The following ALMS1 variants were observed in gnomAD, a reference collection of about 807,000 sequenced individuals.
ALMS1 encodes the protein ALMS1 centrosome and basal body associated protein.
Under a neutral mutation model 352.2 loss-of-function variants are expected in ALMS1, and 271 were observed. The ratio of observed to expected loss-of-function variants is 0.77; its 90% confidence interval spans 0.70 to 0.85. ALMS1 has a LOEUF of 0.85. Among genes scored for constraint, ALMS1 ranks in the 40% least tolerant of loss-of-function variants. The pLI is 0.00. For synonymous variants in ALMS1, 1,865 were observed against 1,761.2 expected (o/e 1.06, Z -1.48); for missense variants, 5,445 against 4,870.7 (o/e 1.12, Z -3.51).
Position 73,455,260 on chromosome 2 carries a change from T to C in ALMS1, c.7639T>C (p.Leu2547=), listed in dbSNP as rs200155429. 6.2e-7 allele frequency: 1 copy of C among 1,613,998 alleles called. No individual in the cohort carries two copies. The highest frequency in any genetic ancestry group is 1.1e-5 in the South Asian group (1 of 91,074). ...GAAAGTAGAAGAGATCAAGGCAGAG[T>C]TATTTGGTCATGGAAGAACAACTGA... ...RRKVEEIKAE[L]FGHGRTTDLS... The change falls in exon 9 of 23, where the codon TTA becomes CTA. Residue 2547 remains leucine, a synonymous_variant. Transcript: ENST00000613296.
At chr2:73,487,521 A>G (rs1091568) in intron 9 of ALMS1, among the ~76,000 whole-genome samples, 132,542 of 152,154 alleles carry the variant, frequency 0.87, 57,810 homozygotes, top group Admixed American at 0.92. Context: ...GTCCTGGCTC[A>G]GGGACCCCCT....
chr2:73,578,350 T>C (rs941399317), intron 16 of ALMS1, among the ~76,000 whole-genome samples: 7 of 152,184 alleles, frequency 4.6e-5, no homozygotes, highest in Admixed American at 3.3e-4. Flanking sequence ...TGCCTTTTAA[T>C]TGGCGAGTAT....
chr2:73,446,654 T>C (rs539352331), intron 7 of ALMS1, among the ~76,000 whole-genome samples: 50 of 152,270 alleles, frequency 3.3e-4, no homozygotes, highest in African/African-American at 1.1e-3. Flanking sequence ...TCAGTTGTAG[T>C]GGAAAGAGCT....
intron 11 of ALMS1, among the ~76,000 whole-genome samples, chr2:73,525,189 G>A (rs1257295266): frequency 5.3e-5 from 8 of 152,086 alleles, no homozygotes; most frequent in African/African-American, 1.7e-4. Context: ...TGGACACTTA[G>A]GTTGCTTCTA....
chr2:73,557,171 G>C (rs545816955), intron 13 of ALMS1, 49 bp from the exon 14 acceptor site: 2 of 1,612,210 alleles, frequency 1.2e-6, no homozygotes, highest in South Asian at 1.1e-5. Context: ...CTTGTCTGTT[G>C]TGTTTATTAT....
Position 73,490,774 on chromosome 2 carries a change from G to T in ALMS1, c.8815G>T (p.Asp2939Tyr), listed in dbSNP as rs1297107037. 2 of 1,614,026 alleles carry T rather than the reference G, an allele frequency of 1.2e-6. No individual in the cohort carries two copies. Residue 2939 changes from aspartate to tyrosine, a missense_variant, in exon 10 of 23, where the codon GAT (aspartate) becomes TAT (tyrosine). Physicochemically the swap from Asp to Tyr is radical, Grantham distance 160 (BLOSUM62 -3). Transcript: ENST00000613296. ...LFEQCKAPYV[D>Y]HQMRENHSPL... ...TGAACAGTGCAAAGCCCCATATGTA[G>T]ATCATCAAATGAGAGAAAACCATTC...
chr2:73,592,461 A>G (rs1675453379), intron 16 of ALMS1, among the ~76,000 whole-genome samples: 1 of 152,230 alleles, frequency 6.6e-6, no homozygotes, highest in Non-Finnish European at 1.5e-5. Context: ...TCACAAGAAA[A>G]GACAGTCTTT....
chr2:73,444,964 A>G (rs1487649308), intron 7 of ALMS1, among the ~76,000 whole-genome samples: 1 of 152,170 alleles, frequency 6.6e-6, no homozygotes, highest in Non-Finnish European at 1.5e-5. Context: ...TTAATTAGAA[A>G]GCAAGAATAA....
At chr2:73,409,243 T>C (rs1192079945) in intron 2 of ALMS1, among the ~76,000 whole-genome samples, 1 of 152,096 alleles carries the variant, frequency 6.6e-6, no homozygotes, top group Non-Finnish European at 1.5e-5. Context: ...TTCACTTTTT[T>C]TGAAGGCGGG....
intron 1 of ALMS1, among the ~76,000 whole-genome samples, chr2:73,407,021 C>G (rs1670986603): frequency 6.6e-6 from 1 of 152,180 alleles, no homozygotes; most frequent in South Asian, 2.1e-4. Context: ...AGTTTGTTTT[C>G]TCTTGCTTAT....
chr2:73,557,213 AT>A lies in ALMS1; in HGVS notation c.10079-5del, dbSNP rs2104057739. The A allele has an allele frequency of 1.2e-6, 2 of 1,614,062 alleles. No individual in the cohort carries two copies. The highest frequency in any genetic ancestry group is 4.5e-5 in the East Asian group (2 of 44,866). On this transcript the variant is annotated splice_polypyrimidine_tract_variant and splice_region_variant and intron_variant, in intron 13 of 22. Coordinates refer to ENST00000613296, the MANE Select transcript of ALMS1 (RefSeq NM_001378454.1). The stretch of plus-strand genomic sequence containing the variant: ...TTTTCTGAAATCAAATGATGTCGTT[AT>A]TCCAGATGCCTCAGTTCAAGTGCTA...
At chr2:73,556,176 A>G (rs956509546) in intron 13 of ALMS1, among the ~76,000 whole-genome samples, 6 of 152,206 alleles carry the variant, frequency 3.9e-5, no homozygotes, top group Non-Finnish European at 7.4e-5. Flanking sequence ...TGCCTGAAAT[A>G]TTTTATTAAC....
Position 73,449,922 on chromosome 2 carries a change from A to G in ALMS1, c.3395A>G (p.Gln1132Arg), listed in dbSNP as rs202114540. The G allele has an allele frequency of 1.2e-4, 190 of 1,613,970 alleles. No homozygotes were observed. The highest frequency in any genetic ancestry group is 1.5e-4 in the Non-Finnish European group (177 of 1,179,944). The change falls in exon 8 of 23, where the codon CAG (glutamine) becomes CGG (arginine). Residue 1132 changes from glutamine to arginine, a missense_variant. Coordinates refer to ENST00000613296, the MANE Select transcript of ALMS1 (RefSeq NM_001378454.1). ...TCAGTAGCTCCTGGACTAGCAGACCAGAAGACTGGCACACCAACTGTAACC... is the reference window on the plus strand; with the variant it reads ...TCAGTAGCTCCTGGACTAGCAGACCGGAAGACTGGCACACCAACTGTAACC... ...KISVAPGLADQKTGTPTVTST... is the reference protein window; with the variant it reads ...KISVAPGLADRKTGTPTVTST...
chr2:73,449,024 G>A lies in ALMS1; in HGVS notation c.2497G>A (p.Glu833Lys). 1 of 1,613,918 alleles carries A rather than the reference G, an allele frequency of 6.2e-7. No homozygotes were observed. Among genetic ancestry groups the A allele is most frequent in the Admixed American group, 1.7e-5 (1 of 60,004 alleles). ...QALLDSHLPE[E>K]ALKVSAVSGP... is the part of the protein sequence containing the mutation. ...CTTGCTGGACAGCCATCTACCCGAA[G>A]AGGCTCTGAAAGTTTCAGCTGTTTC... Residue 833 changes from glutamate to lysine, a missense_variant, in exon 8 of 23, where the codon GAG (glutamate) becomes AAG (lysine). Glu to Lys is a moderately conservative substitution (Grantham distance 56). Coordinates refer to ENST00000613296, the MANE Select transcript of ALMS1 (RefSeq NM_001378454.1).
intron 1 of ALMS1, among the ~76,000 whole-genome samples, chr2:73,387,048 C>G (rs1415606529): frequency 6.6e-6 from 1 of 152,186 alleles, no homozygotes; most frequent in Non-Finnish European, 1.5e-5. Flanking sequence ...TACCGGTTTT[C>G]AAGTGCTCAG....
At chr2:73,429,299 G>A (rs1256181213) in intron 6 of ALMS1, among the ~76,000 whole-genome samples, 1 of 39,334 alleles carries the variant, frequency 2.5e-5, no homozygotes, top group Non-Finnish European at 5.5e-5. Context: ...TTTTTTTTTT[G>A]AGGCAGAGTT....
At chr2:73,438,317 C>T (rs1384694337) in intron 7 of ALMS1, among the ~76,000 whole-genome samples, 5 of 152,164 alleles carry the variant, frequency 3.3e-5, no homozygotes, top group Admixed American at 2.6e-4. Context: ...CAGAAAGTAA[C>T]TGCCAAGCTT....
chr2:73,555,999 T>C (rs1044467079), intron 13 of ALMS1, among the ~76,000 whole-genome samples: 6 of 152,286 alleles, frequency 3.9e-5, no homozygotes, highest in Admixed American at 3.9e-4. Context: ...TTACAAAACA[T>C]CCTTGATATT....
intron 2 of ALMS1, among the ~76,000 whole-genome samples, chr2:73,410,990 T>G (rs1269426127): frequency 1.3e-5 from 2 of 151,946 alleles, no homozygotes; most frequent in Non-Finnish European, 2.9e-5. Context: ...ATAAAAAACA[T>G]AGTACCTGGG....
Sources: gnomAD v4.1 joint callset for allele counts (sites outside exome capture counted in the v4.1 genomes callset) on GRCh38, gnomAD v4.1.1 for gene constraint, MANE v1.5 for transcripts, NCBI Gene and HGNC (gene_info 2026-07-23, HGNC 2026-07-21) for gene names.